SYTL3: variants seen among roughly 807,000 people sequenced by gnomAD.
SYTL3 encodes synaptotagmin-like protein 3.
A neutral mutation model predicts 82.1 loss-of-function variants in SYTL3; 88 were observed. The ratio of observed to expected loss-of-function variants is 1.07; its 90% CI spans 0.90 to 1.28. The LOEUF is 1.28. Ranked by LOEUF, SYTL3 falls within the 50% of genes most tolerant of loss-of-function variation. The pLI is 0.00. For missense variants in SYTL3, 831 were observed against 757.6 expected (o/e 1.10, Z -1.14); for synonymous variants, 311 against 289.4 (o/e 1.07, Z -0.76).
intron 6 of SYTL3, among the ~76,000 whole-genome samples, chr6:158,690,071 T>C (rs1359918668): frequency 6.6e-6 from 1 of 152,252 alleles, no homozygotes; most frequent in African/African-American, 2.4e-5. Context: ...GGGCCACTGA[T>C]TGGCACAGCG....
At chr6:158,648,590 C>CAAAA (rs869171730), upstream of SYTL3, among the ~76,000 whole-genome samples, 6 of 131,422 alleles carry the variant, frequency 4.6e-5, no homozygotes, top group African/African-American at 8.6e-5. Context: ...GACTCGGTCT[C>CAAAA]AAAAAAAAAA....
At chr6:158,734,687 C>T (rs1462692021) in intron 11 of SYTL3, among the ~76,000 whole-genome samples, 1 of 152,134 alleles carries the variant, frequency 6.6e-6, no homozygotes, top group African/African-American at 2.4e-5. Flanking sequence ...GTCCTCACCA[C>T]CCCGACATGC....
intron 5 of SYTL3, among the ~76,000 whole-genome samples, chr6:158,671,493 G>A (rs1272307387): frequency 1.3e-5 from 2 of 152,016 alleles, no homozygotes; most frequent in Non-Finnish European, 2.9e-5. Context: ...TAATTTTATC[G>A]GTGGCTCATG....
In SYTL3 at chr6:158,698,286, A is replaced by G. The variant is rs568594832; in HGVS notation, c.395-8944A>G. ...GTGGTGGGTACCTGTAATCCCAGCT[A>G]CACAGGAGGCTGAGGCAGGAGAATC... is the stretch of plus-strand genomic sequence containing the variant. On this transcript the variant is annotated intron_variant, in intron 6 of 17. Transcript: ENST00000611299. Among the ~76,000 whole-genome samples, 7 of 151,944 alleles carry G rather than the reference A, an allele frequency of 4.6e-5. No individual in the cohort carries two copies. The East Asian group carries it at 1.4e-3, about 30-fold the overall frequency.
At chr6:158,679,091 C>T (rs933516214) in intron 5 of SYTL3, among the ~76,000 whole-genome samples, 4 of 152,024 alleles carry the variant, frequency 2.6e-5, no homozygotes, top group Non-Finnish European at 5.9e-5. Flanking sequence ...GGGATTAGGC[C>T]GGGTGTGGTG....
Position 158,665,406 on chromosome 6 carries a change from C to T in SYTL3, c.122C>T (p.Thr41Ile), listed in dbSNP as rs145072338. 120 of 1,593,302 alleles carry T rather than the reference C, an allele frequency of 7.5e-5. No individual in the cohort carries two copies. The highest frequency in any genetic ancestry group is 9.9e-5 in the Non-Finnish European group (116 of 1,169,754). The change falls in exon 5 of 18, where the codon ACA (threonine) becomes ATA (isoleucine). Residue 41 changes from threonine (T) to isoleucine (I), a missense_variant. By Grantham distance (89) the Thr-to-Ile change is moderately conservative (BLOSUM62 -1). Coordinates refer to ENST00000611299, the MANE Select transcript of SYTL3 (RefSeq NM_001242394.2). ...TCTGAGGGCTGCAGGAAACTGAAAA[C>T]ACACCTGCAGCATCTCCGGTGGAAA... ...TEEERTRKLKTHLQHLRWKGA... is the reference protein window; with the variant it reads ...TEEERTRKLKIHLQHLRWKGA...
intron 13 of SYTL3, among the ~76,000 whole-genome samples, chr6:158,752,633 CT>C (rs1212296545): frequency 6.6e-6 from 1 of 152,182 alleles, no homozygotes; most frequent in Non-Finnish European, 1.5e-5. Context: ...CAGCTGAGGT[CT>C]GGTATCTGCA....
chr6:158,656,895 A>C (rs1326797003), intron 2 of SYTL3, among the ~76,000 whole-genome samples: 4 of 152,232 alleles, frequency 2.6e-5, no homozygotes, highest in African/African-American at 9.6e-5. Context: ...TCAAAATGGC[A>C]CAAAACCAAA....
At chr6:158,728,414 A>G (rs1028285425) in intron 11 of SYTL3, among the ~76,000 whole-genome samples, 1 of 152,110 alleles carries the variant, frequency 6.6e-6, no homozygotes, top group African/African-American at 2.4e-5. Flanking sequence ...AAATGTCCAC[A>G]TAAGTGTGGA....
At chr6:158,700,535 C>T (rs1781070462) in intron 6 of SYTL3, among the ~76,000 whole-genome samples, 1 of 151,842 alleles carries the variant, frequency 6.6e-6, no homozygotes, top group South Asian at 2.1e-4. Flanking sequence ...TGTTAATACA[C>T]ATTTGGTTGT....
intron 6 of SYTL3, among the ~76,000 whole-genome samples, chr6:158,688,456 A>T (rs1779518201): frequency 6.6e-6 from 1 of 152,190 alleles, no homozygotes; most frequent in African/African-American, 2.4e-5. Flanking sequence ...CATGATTTCA[A>T]ATTACATTCA....
intron 13 of SYTL3, among the ~76,000 whole-genome samples, chr6:158,753,416 A>G (rs3102985): frequency 0.96 from 146,487 of 151,940 alleles, 70,644 homozygotes; most frequent in East Asian, 1. Context: ...CCCTGTACTT[A>G]GAACTGGGGA....
intron 2 of SYTL3, among the ~76,000 whole-genome samples, chr6:158,660,093 C>T (rs1472320889): frequency 4.6e-5 from 7 of 151,524 alleles, no homozygotes; most frequent in Non-Finnish European, 2.9e-5. Context: ...GGTGAAACCC[C>T]GTCTCTACTA....
chr6:158,698,835 G>C (rs1295482507), intron 6 of SYTL3, among the ~76,000 whole-genome samples: 3 of 152,196 alleles, frequency 2.0e-5, no homozygotes, highest in Non-Finnish European at 4.4e-5. Flanking sequence ...GCCTGTTAAG[G>C]GGCACATTTG....
At chr6:158,699,134 A>G (rs1011621052) in intron 6 of SYTL3, among the ~76,000 whole-genome samples, 4 of 152,104 alleles carry the variant, frequency 2.6e-5, no homozygotes, top group African/African-American at 9.7e-5. Context: ...GCCTAACCAC[A>G]CTGATGATGC....
At chr6:158,692,807 C>T (rs1780050467) in intron 6 of SYTL3, among the ~76,000 whole-genome samples, 1 of 150,670 alleles carries the variant, frequency 6.6e-6, no homozygotes, top group African/African-American at 2.4e-5. Context: ...AAAAATTAGA[C>T]GGGCATGGTG....
chr6:158,669,507 A>G (rs1777123309), intron 5 of SYTL3, among the ~76,000 whole-genome samples: 2 of 152,244 alleles, frequency 1.3e-5, no homozygotes, highest in African/African-American at 2.4e-5. Context: ...AAGTATTTTA[A>G]CAATGATAAA....
intron 3 of SYTL3, among the ~76,000 whole-genome samples, chr6:158,661,797 G>A (rs1789410552): frequency 6.6e-6 from 1 of 152,192 alleles, no homozygotes; most frequent in Non-Finnish European, 1.5e-5. Flanking sequence ...CACATGATAT[G>A]TTGTAGCTAT....
At chr6:158,654,741 C>T (rs566815671) in intron 2 of SYTL3, among the ~76,000 whole-genome samples, 45 of 152,122 alleles carry the variant, frequency 3.0e-4, no homozygotes, top group Non-Finnish European at 5.6e-4. Context: ...CCTGAGAGCA[C>T]GTGGCTGAGT....
Sources: allele counts gnomAD v4.1 joint callset (sites outside exome capture counted in the v4.1 genomes callset), GRCh38; gene constraint gnomAD v4.1.1; transcripts MANE v1.5; gene names NCBI Gene and HGNC (gene_info 2026-07-23, HGNC 2026-07-21).